CIB4: variants seen among roughly 807,000 people sequenced by gnomAD.
CIB4 encodes the protein calcium and integrin-binding family member 4.
In CIB4, 25 loss-of-function variants were observed where a neutral mutation model predicts 25.8. That is an observed-to-expected ratio of 0.97 (90% CI 0.71 to 1.35). The LOEUF is 1.35. Among genes scored for constraint, CIB4 ranks in the 40% most tolerant of loss-of-function variants. CIB4 has a pLI of 0.00. For synonymous variants in CIB4, 75 were observed against 81.4 expected, an observed-to-expected ratio of 0.92 and a Z score of 0.42; for missense variants, 235 against 228.2, an observed-to-expected ratio of 1.03 and a Z score of -0.19.
At chr2:26,631,369 G>A (rs1669417365) in intron 2 of CIB4, among the ~76,000 whole-genome samples, 1 of 152,182 alleles carries the variant, frequency 6.6e-6, no homozygotes, top group African/African-American at 2.4e-5. Flanking sequence ...AGCTATTCAG[G>A]AGGCTGAAGT....
At chr2:26,610,693 G>T (rs529884569) in intron 3 of CIB4, among the ~76,000 whole-genome samples, 1 of 152,328 alleles carries the variant, frequency 6.6e-6, no homozygotes, top group South Asian at 2.1e-4. Context: ...GGAAACTGGT[G>T]CTTGTTAAAT....
chr2:26,640,722 G>A (rs1669619623), intron 1 of CIB4, among the ~76,000 whole-genome samples, 155 bp from the exon 2 acceptor site: 1 of 152,250 alleles, frequency 6.6e-6, no homozygotes, highest in African/African-American at 2.4e-5. Flanking sequence ...TGAGGTGGCA[G>A]CAGGAGAGGA....
chr2:26,637,548 A>C (rs1669556937), intron 2 of CIB4, among the ~76,000 whole-genome samples: 1 of 151,952 alleles, frequency 6.6e-6, no homozygotes, highest in Non-Finnish European at 1.5e-5. Flanking sequence ...TTAACTTAAT[A>C]ATATACCTTG....
At chr2:26,611,779 C>A (rs1668999898) in intron 3 of CIB4, among the ~76,000 whole-genome samples, 1 of 152,126 alleles carries the variant, frequency 6.6e-6, no homozygotes, top group Non-Finnish European at 1.5e-5. Context: ...AATCAGAACT[C>A]AATGCAATTA....
intron 2 of CIB4, among the ~76,000 whole-genome samples, chr2:26,636,828 A>G (rs921156889): frequency 2.0e-5 from 3 of 152,168 alleles, no homozygotes; most frequent in Non-Finnish European, 2.9e-5. Flanking sequence ...GTCTTCCAAC[A>G]TAAGTCCAAA....
At chr2:26,605,428 C>A in intron 3 of CIB4, 1 of 461,974 alleles carries the variant, frequency 2.2e-6, no homozygotes, top group Non-Finnish European at 4.5e-6. Flanking sequence ...AGTGGCTGCC[C>A]GGAGGAAATG....
chr2:26,626,948 G>A (rs1354155424), intron 3 of CIB4, among the ~76,000 whole-genome samples: 3 of 152,178 alleles, frequency 2.0e-5, no homozygotes, highest in Non-Finnish European at 2.9e-5. Context: ...CCCAGCACAA[G>A]GTGTTCATAT....
intron 3 of CIB4, among the ~76,000 whole-genome samples, chr2:26,614,291 G>C (rs1669050938): frequency 6.6e-6 from 1 of 152,184 alleles, no homozygotes; most frequent in Non-Finnish European, 1.5e-5. Context: ...AATGGAGTTT[G>C]TTTATCTTGT....
chr2:26,623,789 A>G (rs1184689071), intron 3 of CIB4, among the ~76,000 whole-genome samples: 2 of 152,214 alleles, frequency 1.3e-5, no homozygotes, highest in African/African-American at 4.8e-5. Context: ...ACCTGCTCCA[A>G]GGCCCTGCGA....
At chr2:26,589,050 CTTCT>C (rs1558554780) in intron 4 of CIB4, among the ~76,000 whole-genome samples, 38 of 56,464 alleles carry the variant, frequency 6.7e-4, no homozygotes, top group African/African-American at 2.5e-3. Flanking sequence ...TCTTCTTCTT[CTTCT>C]TCTTCCTCTT....
At chr2:26,631,842 C>A (rs558782206) in intron 2 of CIB4, among the ~76,000 whole-genome samples, 1 of 152,320 alleles carries the variant, frequency 6.6e-6, no homozygotes, top group Admixed American at 6.5e-5. Context: ...CAGCCCCACA[C>A]GACTCTGCAG....
At chr2:26,588,994 TTCTTCTTCTTCTTCTTC>T (rs1668512257) in intron 4 of CIB4, among the ~76,000 whole-genome samples, 4 of 8,228 alleles carry the variant, frequency 4.9e-4, no homozygotes, top group African/African-American at 1.4e-3. Flanking sequence ...CTTCTTCTTC[TTCTTCTTCTTCTTCTTC>T]TTCTTCTTCT....
chr2:26,635,514 C>T (rs1420878396), intron 2 of CIB4, among the ~76,000 whole-genome samples: 1 of 152,146 alleles, frequency 6.6e-6, no homozygotes, highest in African/African-American at 2.4e-5. Context: ...TCTATGACAC[C>T]AATAGGAAAA....
intron 2 of CIB4, among the ~76,000 whole-genome samples, chr2:26,634,974 C>T (rs1177534522): frequency 6.6e-6 from 1 of 152,374 alleles, no homozygotes; most frequent in African/African-American, 2.4e-5. Context: ...TGGAGTCAGG[C>T]TGTGCCTTGC....
intron 3 of CIB4, among the ~76,000 whole-genome samples, chr2:26,614,519 A>G (rs1376339266): frequency 2.0e-5 from 3 of 152,218 alleles, no homozygotes; most frequent in African/African-American, 7.2e-5. Context: ...CACCTCAGAC[A>G]CATGAACAGT....
chr2:26,618,896 A>G (rs1426123870), intron 3 of CIB4, among the ~76,000 whole-genome samples: 1 of 152,176 alleles, frequency 6.6e-6, no homozygotes, highest in Non-Finnish European at 1.5e-5. Flanking sequence ...TCTAGGAGGG[A>G]CTGTGCTTAC....
chr2:26,588,979 T>TTCC (rs1558554452), intron 4 of CIB4, among the ~76,000 whole-genome samples: 1 of 19,338 alleles, frequency 5.2e-5, no homozygotes, highest in East Asian at 1.2e-3. Flanking sequence ...CGCTTCTTCT[T>TTCC]TCTTCTTCTT....
intron 4 of CIB4, among the ~76,000 whole-genome samples, chr2:26,588,988 TTCTTCTTCTTC>T (rs1558554502): frequency 0.026 from 1,059 of 40,100 alleles, 95 homozygotes; most frequent in African/African-American, 0.029. Context: ...TTTCTTCTTC[TTCTTCTTCTTC>T]TTCTTCTTCT....
At chr2:26,582,254 G>T (rs546313757) in intron 6 of CIB4, among the ~76,000 whole-genome samples, 3 of 152,190 alleles carry the variant, frequency 2.0e-5, no homozygotes, top group Non-Finnish European at 2.9e-5. Flanking sequence ...TCCATGGCAC[G>T]CGCTGCCTCC....
Sources: allele counts gnomAD v4.1 joint callset (sites outside exome capture counted in the v4.1 genomes callset), GRCh38; gene constraint gnomAD v4.1.1; transcripts MANE v1.5; gene names NCBI Gene and HGNC (gene_info 2026-07-23, HGNC 2026-07-21).